Variants in TPRG1 observed in about 807,000 individuals in gnomAD.
TPRG1 encodes tumor protein p63 regulated 1.
Under a neutral mutation model 29.3 loss-of-function variants are expected in TPRG1, and 29 were observed. The ratio of observed to expected loss-of-function variants is 0.99; its 90% CI spans 0.74 to 1.35. The LOEUF (loss-of-function observed/expected upper bound fraction) is 1.35. TPRG1 is among the 40% of genes most tolerant of loss of function. The pLI, the probability that TPRG1 is intolerant of heterozygous loss-of-function variation, is 0.00. For missense variants in TPRG1, 327 were observed against 335.0 expected, an observed-to-expected ratio of 0.98 and a Z score of 0.19; for synonymous variants, 130 against 116.8, an observed-to-expected ratio of 1.11 and a Z score of -0.73.
intron 4 of TPRG1, among the ~76,000 whole-genome samples, chr3:189,033,893 G>T (rs1553894002): frequency 6.6e-6 from 1 of 151,680 alleles, no homozygotes; most frequent in South Asian, 2.1e-4. Flanking sequence ...CTTAATAAAA[G>T]AAAAAAGGTA....
chr3:189,071,279 C>A (rs1716798382), intron 4 of TPRG1, among the ~76,000 whole-genome samples: 1 of 152,160 alleles, frequency 6.6e-6, no homozygotes, highest in African/African-American at 2.4e-5. Context: ...CTAAATATTT[C>A]TGTTAAATAA....
intron 1 of TPRG1, among the ~76,000 whole-genome samples, chr3:189,197,597 C>A (rs112871847): frequency 2.2e-4 from 33 of 151,414 alleles, no homozygotes; most frequent in African/African-American, 8.0e-4. Flanking sequence ...TTTTGTTTTA[C>A]TTTTTCAGAT....
intron 2 of TPRG1, among the ~76,000 whole-genome samples, chr3:189,132,214 T>C (rs951505885): frequency 5.9e-5 from 9 of 152,204 alleles, no homozygotes; most frequent in Non-Finnish European, 1.3e-4. Context: ...CTTGATGTTG[T>C]GCTCCAATGT....
chr3:189,194,075 C>T (rs531721349), intron 1 of TPRG1, among the ~76,000 whole-genome samples: 1 of 151,854 alleles, frequency 6.6e-6, no homozygotes, highest in East Asian at 1.9e-4. Context: ...AAGATTTTCA[C>T]CTGCACCTGC....
chr3:189,274,399 GTTC>G (rs1560635526), intron 4 of TPRG1, among the ~76,000 whole-genome samples: 2 of 150,058 alleles, frequency 1.3e-5, no homozygotes, highest in Non-Finnish European at 3.0e-5. Flanking sequence ...ATTGCCGTTT[GTTC>G]AGCCTGTTTG....
In TPRG1 at chr3:189,067,475, T is replaced by C. The variant is rs950839343; in HGVS notation, c.-463+43529T>C. 4.6e-5 allele frequency among the ~76,000 whole-genome samples: 7 copies of C among 151,996 alleles called. 1 individual carries two copies. Among genetic ancestry groups the C allele is most frequent in the Admixed American group, 4.6e-4 (7 of 15,254 alleles). On this transcript the variant is annotated intron_variant, in intron 4 of 10. Transcript: ENST00000433971. ...TGGTACTGGCATAAAAATAGAAACA[T>C]AGATCAATGGAACAGGACAGAGAAC...
rs189998360 is a variant in TPRG1, at chr3:189,258,778, C to T, written c.479+19869C>T. Among the ~76,000 whole-genome samples, 488 of 152,312 alleles carry T rather than the reference C, an allele frequency of 3.2e-3. 2 individuals are homozygous for T. The highest frequency in any genetic ancestry group is 0.011 in the African/African-American group (468 of 41,566). Reference sequence around the variant, plus strand: ...TGCAGTGGGCTCCATCCAGTCCGAACTTCCCAGTGGCTTTGTTTACACTGT... The same window carrying T: ...TGCAGTGGGCTCCATCCAGTCCGAATTTCCCAGTGGCTTTGTTTACACTGT... On this transcript the variant is annotated intron_variant, in intron 4 of 5. Transcript: ENST00000345063.
chr3:189,174,288 C>G (rs1401830863), intron 1 of TPRG1, among the ~76,000 whole-genome samples: 1 of 152,134 alleles, frequency 6.6e-6, no homozygotes, highest in African/African-American at 2.4e-5. Context: ...TATTTGATAT[C>G]TAGGAAATTT....
At chr3:189,273,196 T>C (rs563076713) in intron 4 of TPRG1, among the ~76,000 whole-genome samples, 46 of 152,202 alleles carry the variant, frequency 3.0e-4, no homozygotes, top group Non-Finnish European at 6.2e-4. Context: ...TATTTATTAA[T>C]TCAACTACTA....
chr3:189,094,412 A>T (rs1489639199), intron 4 of TPRG1, among the ~76,000 whole-genome samples: 1 of 152,138 alleles, frequency 6.6e-6, no homozygotes, highest in African/African-American at 2.4e-5. Context: ...ATGCCTCTGC[A>T]TGCCTACTTT....
At chr3:188,997,429 G>A (rs1321137955) in intron 1 of TPRG1, among the ~76,000 whole-genome samples, 2 of 152,044 alleles carry the variant, frequency 1.3e-5, no homozygotes, top group Non-Finnish European at 1.5e-5. Flanking sequence ...TCTTTCCTCA[G>A]ATTTTTAAAT....
At chr3:189,237,968 A>G (rs1739806307) in intron 3 of TPRG1, among the ~76,000 whole-genome samples, 1 of 152,194 alleles carries the variant, frequency 6.6e-6, no homozygotes, top group African/African-American at 2.4e-5. Flanking sequence ...ATTATGAACC[A>G]TGTTCACTCT....
chr3:189,207,225 C>G (rs536327343), intron 1 of TPRG1, 151 bp from the exon 2 acceptor site: 1 of 1,427,398 alleles, frequency 7.0e-7, no homozygotes, highest in South Asian at 1.5e-5. Context: ...TGTTATGAAG[C>G]TGTATCCACC....
chr3:189,093,166 TAAAAG>T (rs542238393), intron 4 of TPRG1, among the ~76,000 whole-genome samples: 4 of 149,254 alleles, frequency 2.7e-5, no homozygotes, highest in South Asian at 4.3e-4. Flanking sequence ...AAAGAAGAAA[TAAAAG>T]AAAGTAAACT....
At chr3:189,138,492 T>C (rs998687793) in intron 3 of TPRG1, among the ~76,000 whole-genome samples, 12 of 152,156 alleles carry the variant, frequency 7.9e-5, no homozygotes, top group Admixed American at 3.3e-4. Context: ...CAGGCAGTCA[T>C]TCAGAGACCC....
At chr3:189,235,956 C>T (rs1739395502) in intron 3 of TPRG1, among the ~76,000 whole-genome samples, 1 of 152,128 alleles carries the variant, frequency 6.6e-6, no homozygotes, top group Admixed American at 6.5e-5. Context: ...CTGAGCTGTA[C>T]AAACACAATA....
chr3:189,276,216 A>C (rs961363764), intron 4 of TPRG1, among the ~76,000 whole-genome samples: 1 of 152,206 alleles, frequency 6.6e-6, no homozygotes, highest in Non-Finnish European at 1.5e-5. Context: ...GAGCGATGGA[A>C]ATGGCTGTGA....
chr3:189,259,939 T>C (rs78147351), intron 4 of TPRG1, among the ~76,000 whole-genome samples: 1,721 of 152,320 alleles, frequency 0.011, 43 homozygotes, highest in African/African-American at 0.04. Flanking sequence ...TTACTTGTTC[T>C]CAAATGCATT....
upstream of TPRG1, among the ~76,000 whole-genome samples, chr3:189,169,321 C>T (rs9873909): frequency 0.3 from 45,276 of 152,020 alleles, 7,017 homozygotes; most frequent in South Asian, 0.42. Flanking sequence ...CCCGCCACTG[C>T]GCCCGGCTAA....
Sources: allele counts gnomAD v4.1 joint callset (sites outside exome capture counted in the v4.1 genomes callset), GRCh38; gene constraint gnomAD v4.1.1; transcripts MANE v1.5; gene names NCBI Gene and HGNC (gene_info 2026-07-23, HGNC 2026-07-21).